The following GALNT13 variants were observed in gnomAD, a reference collection of about 807,000 sequenced individuals.
GALNT13 encodes the protein polypeptide N-acetylgalactosaminyltransferase 13.
In GALNT13, 28 loss-of-function variants were observed where a neutral mutation model predicts 64.2. That is an observed-to-expected ratio of 0.44 (90% CI 0.32 to 0.60). The LOEUF (loss-of-function observed/expected upper bound fraction) is 0.60, where lower values mean the gene tolerates loss of function less well. Ranked by LOEUF, GALNT13 falls within the 20% of genes least tolerant of loss-of-function variation. GALNT13 has a pLI of 0.05. For missense variants in GALNT13, 577 were observed against 669.8 expected (o/e 0.86, Z 1.53); for synonymous variants, 214 against 224.6 (o/e 0.95, Z 0.42).
chr2:154,410,420 T>G (rs1699741239), intron 11 of GALNT13, among the ~76,000 whole-genome samples: 2 of 151,984 alleles, frequency 1.3e-5, no homozygotes, highest in Non-Finnish European at 2.9e-5. Context: ...TAGAGTTAAC[T>G]TTTATCATCA....
chr2:153,369,202 C>T, the GALNT13 span, among the ~76,000 whole-genome samples: 91 of 152,024 alleles, frequency 6.0e-4, no homozygotes, highest in Non-Finnish European at 8.5e-4. Flanking sequence ...GAATTAAGAG[C>T]TTTTTTTAGG....
At chr2:153,695,326 C>A in the GALNT13 span, among the ~76,000 whole-genome samples, 1 of 152,152 alleles carries the variant, frequency 6.6e-6, no homozygotes, top group Non-Finnish European at 1.5e-5. Flanking sequence ...ATGGTGGGAA[C>A]CCTCTCAAAA....
At chr2:153,668,830 GT>G in the GALNT13 span, among the ~76,000 whole-genome samples, 1,062 of 152,272 alleles carry the variant, frequency 7.0e-3, 11 homozygotes, top group African/African-American at 0.024. Context: ...ATTCCAGGCT[GT>G]CCAGAGGCCT....
the GALNT13 span, among the ~76,000 whole-genome samples, chr2:153,391,356 A>G: frequency 6.6e-6 from 1 of 152,038 alleles, no homozygotes; most frequent in Non-Finnish European, 1.5e-5. Flanking sequence ...CACACTGTAG[A>G]TGGGGGTACA....
chr2:153,291,638 C>T, the GALNT13 span, among the ~76,000 whole-genome samples: 1 of 151,892 alleles, frequency 6.6e-6, no homozygotes, highest in Non-Finnish European at 1.5e-5. Context: ...AGCATCACCC[C>T]TCCTCCTGCT....
chr2:153,402,920 T>C, the GALNT13 span, among the ~76,000 whole-genome samples: 1 of 152,226 alleles, frequency 6.6e-6, no homozygotes, highest in South Asian at 2.1e-4. Flanking sequence ...AGCCTTCTAC[T>C]CTCAGCTCGT....
the GALNT13 span, among the ~76,000 whole-genome samples, chr2:153,231,054 A>G: frequency 3.9e-5 from 6 of 152,052 alleles, no homozygotes; most frequent in African/African-American, 9.7e-5. Flanking sequence ...CTCCTCCACT[A>G]TTTTGCATGT....
At chr2:153,914,818 T>A (rs892628882) in intron 2 of GALNT13, among the ~76,000 whole-genome samples, 34 of 152,294 alleles carry the variant, frequency 2.2e-4, no homozygotes, top group Non-Finnish European at 4.4e-5. Flanking sequence ...CTTCCTTGCA[T>A]GTTTGCATAG....
the GALNT13 span, among the ~76,000 whole-genome samples, chr2:153,590,538 A>G: frequency 1.3e-5 from 2 of 152,110 alleles, no homozygotes; most frequent in Non-Finnish European, 2.9e-5. Flanking sequence ...AACAACAAAA[A>G]CTACAGACCA....
intron 4 of GALNT13, among the ~76,000 whole-genome samples, chr2:154,176,240 A>ATTAATTAT (rs1685641706): frequency 7.5e-6 from 1 of 132,740 alleles, no homozygotes; most frequent in Non-Finnish European, 1.6e-5. Context: ...GAACATATAT[A>ATTAATTAT]TTATTTATTT....
At chr2:154,097,214 T>C (rs1419925024) in intron 3 of GALNT13, among the ~76,000 whole-genome samples, 1 of 152,022 alleles carries the variant, frequency 6.6e-6, no homozygotes, top group Non-Finnish European at 1.5e-5. Flanking sequence ...GCCTAGGTTT[T>C]AATGGAGAAA....
chr2:154,283,206 T>A (rs1462737050), intron 8 of GALNT13, among the ~76,000 whole-genome samples: 3 of 152,150 alleles, frequency 2.0e-5, no homozygotes, highest in African/African-American at 7.2e-5. Flanking sequence ...GTTGATATAC[T>A]GATAGGGATT....
At chr2:153,831,467 C>A in the GALNT13 span, among the ~76,000 whole-genome samples, 1 of 152,140 alleles carries the variant, frequency 6.6e-6, no homozygotes, top group African/African-American at 2.4e-5. Flanking sequence ...TCCTAGAATG[C>A]TTCTTCCCTT....
chr2:153,333,487 G>T, the GALNT13 span, among the ~76,000 whole-genome samples: 58 of 152,120 alleles, frequency 3.8e-4, no homozygotes, highest in East Asian at 0.01. Flanking sequence ...TTTCCTTCTT[G>T]ATTTAAAGTT....
intron 3 of GALNT13, among the ~76,000 whole-genome samples, chr2:154,001,517 A>G (rs1439024853): frequency 1.3e-5 from 2 of 151,952 alleles, no homozygotes; most frequent in Non-Finnish European, 2.9e-5. Context: ...TACCATCTTA[A>G]CTTTAATTGC....
chr2:153,106,536 A>G, the GALNT13 span, among the ~76,000 whole-genome samples: 4 of 152,180 alleles, frequency 2.6e-5, no homozygotes, highest in Admixed American at 6.5e-5. Flanking sequence ...TAGCAGGAAT[A>G]AAAATGATGC....
chr2:153,961,591 G>T (rs1472319690), intron 3 of GALNT13, among the ~76,000 whole-genome samples: 2 of 152,038 alleles, frequency 1.3e-5, no homozygotes, highest in Non-Finnish European at 2.9e-5. Context: ...GGAAAAATTA[G>T]AATTACAATG....
At chr2:154,077,927 C>A (rs1292557085) in intron 3 of GALNT13, among the ~76,000 whole-genome samples, 1 of 151,216 alleles carries the variant, frequency 6.6e-6, no homozygotes, top group Non-Finnish European at 1.5e-5. Flanking sequence ...TAGCAGTCTG[C>A]AAAATTGTTA....
At chr2:154,016,086 A>G (rs1035334709) in intron 3 of GALNT13, among the ~76,000 whole-genome samples, 2 of 152,170 alleles carry the variant, frequency 1.3e-5, no homozygotes, top group Non-Finnish European at 2.9e-5. Context: ...TTGGACAAAT[A>G]TCTGACAGAC....
Sources: gnomAD v4.1 joint callset for allele counts (sites outside exome capture counted in the v4.1 genomes callset) on GRCh38, gnomAD v4.1.1 for gene constraint, MANE v1.5 for transcripts, NCBI Gene and HGNC (gene_info 2026-07-23, HGNC 2026-07-21) for gene names.